Variants in MUSK observed in about 807,000 individuals in gnomAD.
MUSK encodes the protein muscle associated receptor tyrosine kinase, also known as muscle, skeletal receptor tyrosine-protein kinase.
Under a neutral mutation model 88.7 loss-of-function variants are expected in MUSK, and 55 were observed. The ratio of observed to expected loss-of-function variants is 0.62; its 90% CI spans 0.50 to 0.78. The LOEUF (loss-of-function observed/expected upper bound fraction) is 0.78. Ranked by LOEUF, MUSK falls within the 30% of genes least tolerant of loss-of-function variation. The pLI, the probability that MUSK is intolerant of heterozygous loss-of-function variation, is 0.00. For synonymous variants in MUSK, 387 were observed against 391.9 expected (o/e 0.99, Z 0.15); for missense variants, 1,015 against 1,074.3 (o/e 0.94, Z 0.77).
rs145889979 is a variant in MUSK, at chr9:110,700,550, CAAA to C, written c.628+3088_628+3090del. ...AATTTTTCAGAGAAAAGGGAGGAGTCAAAAAAGGAAGCAGTAGCTGGAGCTATG... is the reference window on the plus strand; with the variant it reads ...AATTTTTCAGAGAAAAGGGAGGAGTCAAAGGAAGCAGTAGCTGGAGCTATG... On this transcript the variant is annotated intron_variant, in intron 5 of 14. Transcript: ENST00000374448. 9.0e-3 allele frequency among the ~76,000 whole-genome samples: 1,365 copies of C among 151,888 alleles called. 18 individuals carry two copies. The highest frequency in any genetic ancestry group is 0.032 in the African/African-American group (1,312 of 41,392).
intron 1 of MUSK, among the ~76,000 whole-genome samples, chr9:110,676,342 A>ATATATTATATAT (rs1564206178): frequency 2.4e-4 from 12 of 50,168 alleles, no homozygotes; most frequent in African/African-American, 1.2e-3. Flanking sequence ...ACATACACAC[A>ATATATTATATAT]CATATATTAT....
chr9:110,788,703 T>TAA lies in MUSK; in HGVS notation c.1927+874_1927+875dup, dbSNP rs11411485. 4.3e-3 allele frequency among the ~76,000 whole-genome samples: 638 copies of TAA among 147,884 alleles called. 4 individuals are homozygous for TAA. The highest frequency in any genetic ancestry group is 0.012 in the African/African-American group (493 of 40,674). ...TCACTCTATATGAGGAGACAGATAATAAAAAAAAAACAAAAATATGGGATG... is the reference window on the plus strand; with the variant it reads ...TCACTCTATATGAGGAGACAGATAATAAAAAAAAAAAACAAAAATATGGGATG... On this transcript the variant is annotated intron_variant, in intron 14 of 14. Transcript: ENST00000374448.
chr9:110,785,763 G>C, intron 13 of MUSK, 45 bp downstream of exon 13: 1 of 1,478,908 alleles, frequency 6.8e-7, no homozygotes, highest in Non-Finnish European at 9.1e-7. Context: ...AATATGTTAT[G>C]TCTGAAAAGC....
chr9:110,779,030 C>T (rs994989158), intron 11 of MUSK, among the ~76,000 whole-genome samples: 17 of 150,414 alleles, frequency 1.1e-4, no homozygotes, highest in East Asian at 1.9e-4. Context: ...ATTTTGCCCA[C>T]GAATGAAATC....
chr9:110,783,501 A>G (rs1263416784), intron 11 of MUSK, among the ~76,000 whole-genome samples: 1 of 152,114 alleles, frequency 6.6e-6, no homozygotes, highest in Non-Finnish European at 1.5e-5. Context: ...TATAATAATT[A>G]CACATTATTT....
intron 1 of MUSK, among the ~76,000 whole-genome samples, chr9:110,673,598 T>C (rs2075988475): frequency 6.6e-6 from 1 of 152,178 alleles, no homozygotes; most frequent in Non-Finnish European, 1.5e-5. Context: ...TTTCTCCATG[T>C]CTATTTTCCA....
At chr9:110,714,286 AT>A (rs1175770589) in intron 5 of MUSK, among the ~76,000 whole-genome samples, 2 of 152,266 alleles carry the variant, frequency 1.3e-5, no homozygotes, top group African/African-American at 4.8e-5. Context: ...CATGGTAAAC[AT>A]TTCTTGCTCG....
chr9:110,756,925 A>C (rs572303260), intron 7 of MUSK, among the ~76,000 whole-genome samples: 1 of 151,988 alleles, frequency 6.6e-6, no homozygotes, highest in East Asian at 1.9e-4. Flanking sequence ...TCCTATAATC[A>C]TTTGTCTTGC....
intron 1 of MUSK, among the ~76,000 whole-genome samples, chr9:110,672,554 G>A (rs3001131): frequency 0.5 from 76,007 of 151,920 alleles, 19,380 homozygotes; most frequent in African/African-American, 0.57. Context: ...ATATGGCAGC[G>A]TACCATGAGA....
intron 7 of MUSK, among the ~76,000 whole-genome samples, chr9:110,752,783 C>G (rs1373790403): frequency 1.3e-5 from 2 of 152,200 alleles, no homozygotes; most frequent in African/African-American, 2.4e-5. Flanking sequence ...GATCAGGCTT[C>G]ATTTTTCCAA....
intron 8 of MUSK, among the ~76,000 whole-genome samples, chr9:110,763,440 C>T (rs1366944520): frequency 6.6e-6 from 1 of 152,016 alleles, no homozygotes; most frequent in African/African-American, 2.4e-5. Flanking sequence ...TTTAATAACC[C>T]TCCTTCTGAA....
At chr9:110,709,455 G>A (rs1284740619) in intron 5 of MUSK, among the ~76,000 whole-genome samples, 3 of 152,084 alleles carry the variant, frequency 2.0e-5, no homozygotes, top group African/African-American at 7.2e-5. Context: ...ATCTCTTTGT[G>A]CTTCAGTTTC....
At chr9:110,689,397 G>GTAAAAAATACATATTTATATATAATATA (rs2076254823) in intron 3 of MUSK, among the ~76,000 whole-genome samples, 1 of 104,100 alleles carries the variant, frequency 9.6e-6, no homozygotes, top group South Asian at 2.9e-4. Context: ...ATAAAAATAT[G>GTAAAAAATACATATTTATATATAATATA]TGAAAAATAC....
At chr9:110,742,808 C>T (rs749077186) in intron 6 of MUSK, among the ~76,000 whole-genome samples, 4 of 152,150 alleles carry the variant, frequency 2.6e-5, no homozygotes, top group South Asian at 2.1e-4. Flanking sequence ...AAAGTACATC[C>T]GCAGTTCTTA....
chr9:110,764,037 C>A (rs1244220613), intron 8 of MUSK, among the ~76,000 whole-genome samples: 1 of 152,120 alleles, frequency 6.6e-6, no homozygotes, highest in African/African-American at 2.4e-5. Context: ...AGAAAGGGAA[C>A]TTTTCTGAAA....
At position 110,712,930 on chromosome 9, in the gene MUSK, G is replaced by C. The variant is rs377571200; in HGVS notation, c.628+15464G>C. Among the ~76,000 whole-genome samples, 22 of 152,302 alleles carry C rather than the reference G, an allele frequency of 1.4e-4. No homozygotes were observed. In the East Asian group the frequency reaches 4.1e-3, roughly 28 times the overall value. On this transcript the variant is annotated intron_variant, in intron 5 of 14. Coordinates refer to ENST00000374448, the MANE Select transcript of MUSK (RefSeq NM_005592.4). ...TATATTTACAATGATAGAAGTTTGT[G>C]TAGGGTTATATACACAGGACAGAGG...
Position 110,800,640 on chromosome 9 carries a change from C to G in MUSK, c.2262C>G (p.Asp754Glu), listed in dbSNP as rs1032294980. 1.1e-5 allele frequency: 17 copies of G among 1,604,094 alleles called. No homozygotes were observed. The highest frequency in any genetic ancestry group is 1.5e-5 in the Non-Finnish European group (17 of 1,172,112). The change falls in exon 15 of 15, where the codon GAC becomes GAG. Residue 754 changes from aspartate (D) to glutamate (E), a missense_variant. Coordinates refer to ENST00000374448, the MANE Select transcript of MUSK (RefSeq NM_005592.4). ...TCTCCAGGAACATCTACTCAGCAGA[C>G]TACTACAAAGCTAATGAAAACGACG... ...FGLSRNIYSA[D>E]YYKANENDAI...
chr9:110,785,025 C>G lies in MUSK; in HGVS notation c.1586+9C>G. 1 of 1,610,560 alleles carries G rather than the reference C, an allele frequency of 6.2e-7. No homozygotes were observed. Among genetic ancestry groups the G allele is most frequent in the South Asian group, 1.1e-5 (1 of 90,928 alleles). ...TGGAAAAATAAGAAAAGGTGAGATT[C>G]TAGTTTCAGCTAACCATGTGTAGTA... On this transcript the variant is annotated intron_variant, in intron 12 of 14. Transcript: ENST00000374448.
intron 6 of MUSK, among the ~76,000 whole-genome samples, chr9:110,735,880 A>G (rs2077024802): frequency 6.6e-6 from 1 of 152,052 alleles, no homozygotes; most frequent in Admixed American, 6.6e-5. Context: ...AGATCTCACA[A>G]TTCACTCACT....
Sources: allele counts gnomAD v4.1 joint callset (sites outside exome capture counted in the v4.1 genomes callset), GRCh38; gene constraint gnomAD v4.1.1; transcripts MANE v1.5; gene names NCBI Gene and HGNC (gene_info 2026-07-23, HGNC 2026-07-21).